The following RIN2 variants were observed in gnomAD, a reference collection of about 807,000 sequenced individuals.
RIN2 encodes RAB5 interacting protein 2.
Under a neutral mutation model 78.0 loss-of-function variants are expected in RIN2, and 36 were observed. The observed-to-expected ratio is 0.46, with a 90% confidence interval of 0.35 to 0.61. RIN2 has a LOEUF of 0.61. Among genes scored for constraint, RIN2 ranks in the 20% least tolerant of loss-of-function variants. The pLI is 0.00. For synonymous variants in RIN2, 466 were observed against 466.8 expected (o/e 1.00, Z 0.02); for missense variants, 1,087 against 1,159.7 (o/e 0.94, Z 0.91).
chr20:19,784,450 G>A (rs1188263335), intron 1 of RIN2, among the ~76,000 whole-genome samples: 1 of 152,150 alleles, frequency 6.6e-6, no homozygotes, highest in Non-Finnish European at 1.5e-5. Flanking sequence ...TGGGTAAATG[G>A]ATGTTTTAGC....
At chr20:19,996,601 T>G in intron 11 of RIN2, 78 bp from the exon 12 acceptor site, 1 of 1,435,214 alleles carries the variant, frequency 7.0e-7, no homozygotes, top group East Asian at 2.3e-5. Context: ...AAACATGCCT[T>G]CTAACGCTGG....
At chr20:19,881,771 C>T (rs1362871878) in intron 2 of RIN2, among the ~76,000 whole-genome samples, 1 of 152,094 alleles carries the variant, frequency 6.6e-6, no homozygotes, top group East Asian at 1.9e-4. Flanking sequence ...TTTCATGTAA[C>T]CCTGTGGACT....
chr20:19,815,703 A>C (rs1341048596), intron 2 of RIN2, among the ~76,000 whole-genome samples: 1 of 152,110 alleles, frequency 6.6e-6, no homozygotes, highest in Admixed American at 6.5e-5. Context: ...TTCATTCCTG[A>C]GCACTGTGAT....
intron 9 of RIN2, among the ~76,000 whole-genome samples, chr20:19,988,280 A>T (rs2146376720): frequency 6.6e-6 from 1 of 152,210 alleles, no homozygotes; most frequent in Non-Finnish European, 1.5e-5. Flanking sequence ...CACAACGCCA[A>T]GCTAATTTTT....
chr20:19,936,113 T>A (rs1339707016), intron 4 of RIN2, among the ~76,000 whole-genome samples: 1 of 152,148 alleles, frequency 6.6e-6, no homozygotes, highest in African/African-American at 2.4e-5. Flanking sequence ...GAGAGCAACA[T>A]CCCAGGGAGG....
chr20:19,850,799 C>T (rs1386271740), intron 2 of RIN2, among the ~76,000 whole-genome samples: 1 of 152,044 alleles, frequency 6.6e-6, no homozygotes, highest in Non-Finnish European at 1.5e-5. Context: ...AACCTGTCTC[C>T]TAAAAATACA....
chr20:19,830,403 G>T (rs2036216886), intron 2 of RIN2, among the ~76,000 whole-genome samples: 1 of 152,086 alleles, frequency 6.6e-6, no homozygotes, highest in Admixed American at 6.5e-5. Flanking sequence ...TGTGCAGTTT[G>T]GTGAAGACCC....
chr20:19,813,260 G>A (rs1255526833), intron 2 of RIN2, among the ~76,000 whole-genome samples: 1 of 152,178 alleles, frequency 6.6e-6, no homozygotes, highest in African/African-American at 2.4e-5. Context: ...GGGCTAATCG[G>A]CCAATAGCAG....
intron 9 of RIN2, among the ~76,000 whole-genome samples, chr20:19,977,277 C>T (rs1030551924): frequency 2.0e-5 from 3 of 152,150 alleles, no homozygotes; most frequent in African/African-American, 7.2e-5. Flanking sequence ...CCTGGCCTTC[C>T]CTCCCTGCTG....
chr20:19,783,652 G>T (rs1480416331), intron 1 of RIN2, among the ~76,000 whole-genome samples: 2 of 152,178 alleles, frequency 1.3e-5, no homozygotes, highest in Non-Finnish European at 2.9e-5. Context: ...GAAACCCCTA[G>T]GAAAGTGGGG....
chr20:19,826,381 A>G (rs184449559), intron 2 of RIN2, among the ~76,000 whole-genome samples: 177 of 152,348 alleles, frequency 1.2e-3, no homozygotes, highest in Admixed American at 0.01. Flanking sequence ...AAACTAAGGC[A>G]CGGGTAACTA....
chr20:19,937,066 CTG>C (rs1268461610), intron 4 of RIN2, among the ~76,000 whole-genome samples: 1 of 152,230 alleles, frequency 6.6e-6, no homozygotes, highest in Non-Finnish European at 1.5e-5. Flanking sequence ...GATGTGGAAA[CTG>C]TGTGCTGTGG....
At chr20:19,885,423 T>A (rs1490385360) in intron 2 of RIN2, among the ~76,000 whole-genome samples, 1 of 152,116 alleles carries the variant, frequency 6.6e-6, no homozygotes, top group Non-Finnish European at 1.5e-5. Flanking sequence ...CCCAGCACTT[T>A]GGGAGGCCGA....
intron 1 of RIN2, among the ~76,000 whole-genome samples, chr20:19,774,357 G>T (rs1418983823): frequency 1.3e-5 from 2 of 152,164 alleles, no homozygotes; most frequent in East Asian, 3.8e-4. Context: ...AAGGAAGTCA[G>T]ATAGGAATGT....
intron 4 of RIN2, among the ~76,000 whole-genome samples, chr20:19,949,148 G>A (rs1336087252): frequency 6.6e-6 from 1 of 152,192 alleles, no homozygotes; most frequent in Non-Finnish European, 1.5e-5. Flanking sequence ...TGGGCATGGT[G>A]GTGTGTGCCT....
intron 4 of RIN2, among the ~76,000 whole-genome samples, chr20:19,953,370 G>A (rs1408213122): frequency 1.3e-5 from 2 of 152,108 alleles, no homozygotes; most frequent in African/African-American, 4.8e-5. Flanking sequence ...GACTTCCAGT[G>A]ATCCAACCGC....
intron 1 of RIN2, among the ~76,000 whole-genome samples, chr20:19,783,489 T>TGACCTGGGTCATTCCAGGTCA (rs2034576643): frequency 6.6e-6 from 1 of 151,850 alleles, no homozygotes; most frequent in Admixed American, 6.6e-5. Context: ...GGGCTGTCTC[T>TGACCTGGGTCATTCCAGGTCA]GACCTGGGTG....
chr20:19,761,176 G>A (rs2033625063), intron 1 of RIN2, among the ~76,000 whole-genome samples: 1 of 152,218 alleles, frequency 6.6e-6, no homozygotes, highest in South Asian at 2.1e-4. Context: ...TCTCACAACA[G>A]TAGTATTCAT....
At chr20:19,941,113 A>G (rs369382693) in intron 4 of RIN2, among the ~76,000 whole-genome samples, 6 of 152,364 alleles carry the variant, frequency 3.9e-5, no homozygotes, top group African/African-American at 9.6e-5. Flanking sequence ...AGAACCAGAC[A>G]TGACACAGGA....
Sources: gnomAD v4.1 joint callset for allele counts (sites outside exome capture counted in the v4.1 genomes callset) on GRCh38, gnomAD v4.1.1 for gene constraint, MANE v1.5 for transcripts, NCBI Gene and HGNC (gene_info 2026-07-23, HGNC 2026-07-21) for gene names.